Variants in ATOSA observed in about 807,000 individuals in gnomAD.
ATOSA encodes atos homolog A, also known as atos homolog protein A.
the ATOSA span, among the ~76,000 whole-genome samples, chr15:52,664,680 C>T: frequency 3.9e-5 from 6 of 152,268 alleles, no homozygotes; most frequent in Non-Finnish European, 7.4e-5. Flanking sequence ...TGGTGGCTTA[C>T]GCCTGTAATC....
At chr15:52,657,984 G>T in the ATOSA span, 2 of 152,100 alleles carry the variant, frequency 1.3e-5, no homozygotes, top group African/African-American at 4.8e-5. Context: ...GTCTAATTGT[G>T]GATTGCAGTC....
chr15:52,634,885 A>G, the ATOSA span, among the ~76,000 whole-genome samples: 2 of 152,286 alleles, frequency 1.3e-5, no homozygotes, highest in South Asian at 2.1e-4. Context: ...TACAGGTGTG[A>G]GCCATGGTGC....
At chr15:52,688,282 G>A in the ATOSA span, among the ~76,000 whole-genome samples, 1 of 152,242 alleles carries the variant, frequency 6.6e-6, no homozygotes, top group Non-Finnish European at 1.5e-5. Flanking sequence ...AACAACAGAA[G>A]ATGGAGATGG....
At chr15:52,581,382 T>G in the ATOSA span, 9 of 152,236 alleles carry the variant, frequency 5.9e-5, no homozygotes, top group Admixed American at 5.9e-4. Context: ...TACATATTCT[T>G]TTAACAATTT....
chr15:52,592,703 G>T, the ATOSA span, among the ~76,000 whole-genome samples: 1 of 152,196 alleles, frequency 6.6e-6, no homozygotes, highest in Non-Finnish European at 1.5e-5. Context: ...AATGTTTTAA[G>T]AATGTTTACA....
At chr15:52,665,056 C>T in the ATOSA span, among the ~76,000 whole-genome samples, 1 of 152,112 alleles carries the variant, frequency 6.6e-6, no homozygotes, top group Admixed American at 6.5e-5. Context: ...TGGGAGTAAA[C>T]ACTGAGTATA....
At chr15:52,627,312 T>C in the ATOSA span, among the ~76,000 whole-genome samples, 2 of 152,200 alleles carry the variant, frequency 1.3e-5, no homozygotes, top group African/African-American at 4.8e-5. Context: ...CTTCTAATCG[T>C]TGATTTCAGT....
the ATOSA span, among the ~76,000 whole-genome samples, chr15:52,680,681 C>T: frequency 5.3e-5 from 8 of 152,206 alleles, no homozygotes; most frequent in East Asian, 1.9e-4. Flanking sequence ...CTAATCAGAG[C>T]GGAGAGAACA....
the ATOSA span, among the ~76,000 whole-genome samples, chr15:52,670,629 T>C: frequency 6.6e-6 from 1 of 152,188 alleles, no homozygotes; most frequent in Non-Finnish European, 1.5e-5. Flanking sequence ...GAATCTCTAG[T>C]TGGTATAATT....
the ATOSA span, among the ~76,000 whole-genome samples, chr15:52,644,421 C>T: frequency 6.6e-6 from 1 of 152,086 alleles, no homozygotes; most frequent in African/African-American, 2.4e-5. Context: ...GTTAGAAGAG[C>T]CTATGACATC....
the ATOSA span, among the ~76,000 whole-genome samples, chr15:52,660,692 C>G: frequency 3.3e-5 from 5 of 152,096 alleles, no homozygotes; most frequent in Non-Finnish European, 7.4e-5. Flanking sequence ...GCTTTTTTTG[C>G]CTAGGCTGGA....
chr15:52,598,124 AAAAC>A, the ATOSA span, among the ~76,000 whole-genome samples: 34 of 152,214 alleles, frequency 2.2e-4, no homozygotes, highest in South Asian at 1.5e-3. Flanking sequence ...ACTCTGTCTC[AAAAC>A]AAACAAACAA....
the ATOSA span, among the ~76,000 whole-genome samples, chr15:52,708,300 A>T: frequency 6.6e-6 from 1 of 151,926 alleles, no homozygotes; most frequent in African/African-American, 2.4e-5. Context: ...TTCCAAAAGC[A>T]CTTTTGGATC....
At chr15:52,707,470 C>G in the ATOSA span, among the ~76,000 whole-genome samples, 3 of 152,120 alleles carry the variant, frequency 2.0e-5, no homozygotes, top group African/African-American at 7.2e-5. Flanking sequence ...AAATGATCGG[C>G]CTACATTCTT....
chr15:52,602,442 T>C, the ATOSA span, among the ~76,000 whole-genome samples: 1 of 152,038 alleles, frequency 6.6e-6, no homozygotes, highest in Non-Finnish European at 1.5e-5. Context: ...TGCTTTGTAA[T>C]TTTTTTTCCT....
chr15:52,668,865 T>C, the ATOSA span, among the ~76,000 whole-genome samples: 1 of 115,758 alleles, frequency 8.6e-6, no homozygotes, highest in African/African-American at 3.4e-5. Context: ...AAAAGGTAAA[T>C]GGATGTTAAT....
At chr15:52,586,955 T>C in the ATOSA span, 2 of 1,100,428 alleles carry the variant, frequency 1.8e-6, no homozygotes, top group Non-Finnish European at 2.5e-6. Context: ...TTCACCTTGA[T>C]TAGCTTATTA....
At chr15:52,709,425 A>T in the ATOSA span, among the ~76,000 whole-genome samples, 15 of 152,136 alleles carry the variant, frequency 9.9e-5, no homozygotes, top group African/African-American at 3.4e-4. Context: ...CTTTACCCCA[A>T]AGCTCTAATT....
the ATOSA span, among the ~76,000 whole-genome samples, chr15:52,621,434 G>A: frequency 2.6e-5 from 4 of 152,186 alleles, no homozygotes; most frequent in South Asian, 2.1e-4. Context: ...AGCAGTCCCA[G>A]TGTCATATAT....
Sources: gnomAD v4.1 joint callset for allele counts (sites outside exome capture counted in the v4.1 genomes callset) on GRCh38, gnomAD v4.1.1 for gene constraint, MANE v1.5 for transcripts, NCBI Gene and HGNC (gene_info 2026-07-23, HGNC 2026-07-21) for gene names.